Variants in DHX32 observed in about 807,000 individuals in gnomAD.
DHX32 encodes DEAH-box helicase 32 (putative).
A neutral mutation model predicts 70.0 loss-of-function variants in DHX32; 51 were observed. That is an observed-to-expected ratio of 0.73 (90% CI 0.58 to 0.92). The LOEUF (loss-of-function observed/expected upper bound fraction) is 0.92. Ranked by LOEUF, DHX32 falls within the 40% of genes least tolerant of loss-of-function variation. The pLI, the probability that DHX32 is intolerant of heterozygous loss-of-function variation, is 0.00. For missense variants in DHX32, 762 were observed against 891.8 expected, an observed-to-expected ratio of 0.85 and a Z score of 1.85; for synonymous variants, 310 against 315.3, an observed-to-expected ratio of 0.98 and a Z score of 0.18.
chr10:125,871,046 A>C (rs1182687398), intron 1 of DHX32, among the ~76,000 whole-genome samples: 2 of 152,188 alleles, frequency 1.3e-5, no homozygotes, highest in East Asian at 1.9e-4. Flanking sequence ...GAACTCTAAA[A>C]TTCGACAAGA....
intron 6 of DHX32, among the ~76,000 whole-genome samples, chr10:125,851,428 C>T (rs1441835684): frequency 6.6e-6 from 1 of 152,142 alleles, no homozygotes; most frequent in African/African-American, 2.4e-5. Context: ...TTTAAAAATC[C>T]TTGACATCAC....
intron 6 of DHX32, among the ~76,000 whole-genome samples, chr10:125,844,056 A>T (rs536051911): frequency 6.6e-6 from 1 of 152,216 alleles, no homozygotes; most frequent in Non-Finnish European, 1.5e-5. Flanking sequence ...TTACCGTCTT[A>T]CTTGTTCATT....
chr10:125,841,557 T>G, intron 7 of DHX32, 186 bp downstream of exon 7: 1 of 1,430,152 alleles, frequency 7.0e-7, no homozygotes, highest in South Asian at 1.6e-5. Flanking sequence ...TAAGATAATT[T>G]TTCATATTAA....
chr10:125,841,583 C>T (rs1854881181), intron 7 of DHX32, 160 bp downstream of exon 7: 4 of 1,438,924 alleles, frequency 2.8e-6, no homozygotes, highest in Non-Finnish European at 3.6e-6. Context: ...TTTTCCTTTT[C>T]TAACCTATTA....
At chr10:125,877,899 GTCTATTCTACTAGA>G (rs1944293543) in intron 1 of DHX32, among the ~76,000 whole-genome samples, 1 of 152,050 alleles carries the variant, frequency 6.6e-6, no homozygotes, top group African/African-American at 2.4e-5. Context: ...TTAGAGCATA[GTCTATTCTACTAGA>G]TCTATTCGTA....
At chr10:125,882,416 A>G (rs1944322703), upstream of DHX32, among the ~76,000 whole-genome samples, 1 of 152,192 alleles carries the variant, frequency 6.6e-6, no homozygotes, top group South Asian at 2.1e-4. Flanking sequence ...TCTATTGGTC[A>G]AGACAGGCTC....
chr10:125,854,750 C>T (rs994027847), intron 3 of DHX32: 8 of 152,354 alleles, frequency 5.3e-5, no homozygotes, highest in African/African-American at 1.9e-4. Context: ...CTTGCTTGCA[C>T]TTCCTTTTTC....
chr10:125,874,535 A>T (rs1944273190), intron 1 of DHX32, among the ~76,000 whole-genome samples: 2 of 152,212 alleles, frequency 1.3e-5, no homozygotes, highest in Non-Finnish European at 2.9e-5. Context: ...GAAGTAGATT[A>T]AAAAAATTTT....
rs7088155 is a variant in DHX32, at chr10:125,850,777, A to G, written c.1351+1516T>C. Reference sequence around the variant, plus strand: ...AATCCAAAGAATCATAGATCATACCAAAGCCAGTCATCTGGCTACTACCAA... The same window carrying G: ...AATCCAAAGAATCATAGATCATACCGAAGCCAGTCATCTGGCTACTACCAA... On this transcript the variant is annotated intron_variant, in intron 6 of 10. Transcript: ENST00000284690. 1.5e-3 allele frequency among the ~76,000 whole-genome samples: 233 copies of G among 152,346 alleles called. 1 individual carries two copies. The highest frequency in any genetic ancestry group is 5.4e-3 in the African/African-American group (223 of 41,568).
intron 2 of DHX32, among the ~76,000 whole-genome samples, chr10:125,862,639 T>C (rs1292879074): frequency 6.6e-6 from 1 of 152,146 alleles, no homozygotes; most frequent in Non-Finnish European, 1.5e-5. Flanking sequence ...TCCAGCAGAC[T>C]CATCCAGCAA....
chr10:125,841,461 T>G, intron 7 of DHX32: 1 of 1,513,186 alleles, frequency 6.6e-7, no homozygotes, highest in Non-Finnish European at 8.8e-7. Context: ...ATTTTCTTCA[T>G]CTGCACTGAT....
intron 1 of DHX32, among the ~76,000 whole-genome samples, chr10:125,880,258 T>C (rs1307304634): frequency 2.6e-5 from 4 of 152,208 alleles, no homozygotes; most frequent in Non-Finnish European, 4.4e-5. Flanking sequence ...AATGGATCAT[T>C]TGAGTAAATT....
chr10:125,837,033 C>T (rs149202827), intron 10 of DHX32, among the ~76,000 whole-genome samples, 178 bp from the exon 11 acceptor site: 40 of 152,302 alleles, frequency 2.6e-4, no homozygotes, highest in Non-Finnish European at 5.3e-4. Context: ...GTTTTTTATG[C>T]AGCCAATCCT....
intron 6 of DHX32, among the ~76,000 whole-genome samples, chr10:125,851,801 G>C (rs1944092421): frequency 6.6e-6 from 1 of 151,690 alleles, no homozygotes; most frequent in Non-Finnish European, 1.5e-5. Flanking sequence ...TGCACCTGTG[G>C]TCCCAGCTAT....
chr10:125,839,041 A>C lies in DHX32; in HGVS notation c.1841T>G (p.Leu614Arg). The C allele has an allele frequency of 1.2e-6, 2 of 1,614,192 alleles. No individual in the cohort carries two copies. The highest frequency in any genetic ancestry group is 1.6e-4 in the Middle Eastern group (1 of 6,062). ...EPAFGSKENT[L>R]NIKKALLSGY... ...GGACAGAAGAGCTTTCTTTATGTTT[A>C]GAGTGTTTTCCTTGGAGCCAAAAGC... The change falls in exon 9 of 11, where the codon CTA becomes CGA. Residue 614 changes from leucine (L) to arginine (R), a missense_variant. Leu to Arg is a moderately radical substitution (Grantham distance 102). Around this residue, in one of 3 missense-constraint regions of DHX32, gnomAD observed 366 missense variants for 402.6 expected, o/e 0.91. Coordinates refer to ENST00000284690, the MANE Select transcript of DHX32 (RefSeq NM_018180.3).
At chr10:125,873,312 T>C (rs1944266438) in intron 1 of DHX32, among the ~76,000 whole-genome samples, 1 of 152,072 alleles carries the variant, frequency 6.6e-6, no homozygotes, top group Non-Finnish European at 1.5e-5. Flanking sequence ...TGAGAATAAA[T>C]GAAGTGAGAA....
chr10:125,867,302 G>C, intron 1 of DHX32, 119 bp from the exon 2 acceptor site: 2 of 791,628 alleles, frequency 2.5e-6, no homozygotes, highest in Non-Finnish European at 4.0e-6. Flanking sequence ...AATCAGCAGT[G>C]GGCTGTATTA....
upstream of DHX32, among the ~76,000 whole-genome samples, chr10:125,884,022 T>G (rs759437026): frequency 2.0e-5 from 3 of 152,146 alleles, no homozygotes; most frequent in African/African-American, 7.2e-5. Context: ...AAAGCTTGAG[T>G]CCACAAAGGA....
At chr10:125,884,343 G>T (rs1413204109), upstream of DHX32, among the ~76,000 whole-genome samples, 1 of 152,208 alleles carries the variant, frequency 6.6e-6, no homozygotes, top group African/African-American at 2.4e-5. Context: ...TCTAAAGAAA[G>T]AGAAACAAAT....
Sources: allele counts gnomAD v4.1 joint callset (sites outside exome capture counted in the v4.1 genomes callset), GRCh38; gene constraint gnomAD v4.1.1; regional missense constraint gnomAD v4.1.1; transcripts MANE v1.5; gene names NCBI Gene and HGNC (gene_info 2026-07-23, HGNC 2026-07-21).